The following TIMELESS variants were observed in gnomAD, a reference collection of about 807,000 sequenced individuals.
TIMELESS encodes timeless circadian regulator, also known as protein timeless homolog.
TIMELESS carries 124 observed loss-of-function variants against 164.3 expected under a neutral mutation model. That is an observed-to-expected ratio of 0.75 (90% CI 0.65 to 0.88). The LOEUF (loss-of-function observed/expected upper bound fraction) is 0.88. Ranked by LOEUF, TIMELESS falls within the 40% of genes least tolerant of loss-of-function variation. The probability of loss-of-function intolerance (pLI) is 0.00; values close to 1 mark genes in which losing one functional copy is unlikely to be tolerated. For synonymous variants in TIMELESS, 564 were observed against 563.4 expected (o/e 1.00, Z -0.02); for missense variants, 1,422 against 1,491.4 (o/e 0.95, Z 0.77).
chr12:56,434,071 C>A lies in TIMELESS; in HGVS notation c.97+3G>T. 6.2e-7 allele frequency: 1 copy of A among 1,613,872 alleles called. No individual in the cohort carries two copies. Among genetic ancestry groups the A allele is most frequent in the Non-Finnish European group, 8.5e-7 (1 of 1,179,760 alleles). On this transcript the variant is annotated splice_donor_region_variant and intron_variant, in intron 2 of 28. Coordinates refer to ENST00000553532, the MANE Select transcript of TIMELESS (RefSeq NM_003920.5). ...TTTCCTGTTTCATCAAAAAGGTACT[C>A]ACCTAAGCAATCTGGTTCCTTATGG...
At chr12:56,423,981 A>C (rs1592245939) in intron 15 of TIMELESS, 87 bp from the exon 16 acceptor site, 1 of 1,217,088 alleles carries the variant, frequency 8.2e-7, no homozygotes, top group East Asian at 2.4e-5. Context: ...ATTTAGACTT[A>C]TTTCTTTTGT....
chr12:56,416,717 T>C lies in TIMELESS; in HGVS notation c.*999A>G, dbSNP rs187062230. On this transcript the variant is annotated 3_prime_UTR_variant, in exon 29 of 29. Coordinates refer to ENST00000553532, the MANE Select transcript of TIMELESS (RefSeq NM_003920.5). ...AAAGCGGAAGAAAAGGGAAGGTTGT[T>C]GGTCTTTTTTTTTTTTCTTTTTTTT... 1 of 151,726 alleles carries C rather than the reference T, an allele frequency of 6.6e-6. No homozygotes were observed. Among genetic ancestry groups the C allele is most frequent in the East Asian group, 1.9e-4 (1 of 5,142 alleles). 9.4% of individuals were successfully genotyped at this position (151,726 alleles called of 1,614,324 possible). A position where few individuals can be genotyped will look rare whatever the true frequency, so the allele number is the denominator to read the frequency against.
chr12:56,419,055 C>T (rs943489013), intron 26 of TIMELESS, among the ~76,000 whole-genome samples: 5 of 149,078 alleles, frequency 3.4e-5, no homozygotes, highest in Non-Finnish European at 7.4e-5. Flanking sequence ...GCTAGAGTGC[C>T]GTGGCAAAGC....
chr12:56,420,697 G>A lies in TIMELESS; in HGVS notation c.3110-10C>T, dbSNP rs1172611694. 4.3e-6 allele frequency: 7 copies of A among 1,613,890 alleles called. No homozygotes were observed. The Admixed American group carries it at 1.0e-4, about 23-fold the overall frequency. Reference sequence around the variant, plus strand: ...ACGGCCTGGGAGCAGCCTAAGACAGGGTCAATAGTCATATGGTGAAGATAT... The same window carrying A: ...ACGGCCTGGGAGCAGCCTAAGACAGAGTCAATAGTCATATGGTGAAGATAT... On this transcript the variant is annotated splice_polypyrimidine_tract_variant and intron_variant, in intron 25 of 28. Coordinates refer to ENST00000553532, the MANE Select transcript of TIMELESS (RefSeq NM_003920.5).
rs545283747 is a variant in TIMELESS at position 56,444,096 on chromosome 12, C to T, written c.-62+5214G>A. Among the ~76,000 whole-genome samples the T allele has an allele frequency of 3.3e-5, 5 of 152,240 alleles. No homozygotes were observed. The East Asian group carries it at 9.6e-4, about 29-fold the overall frequency. ...TATTTTTAGTAGAGACATGGTTTCA[C>T]CATGTTGGCCAGGCTGGTCTGGAAC... On this transcript the variant is annotated intron_variant, in intron 1 of 28. Transcript: ENST00000553532.
chr12:56,436,003 A>AAGTATACAG (rs1255314242), intron 1 of TIMELESS, among the ~76,000 whole-genome samples: 1 of 151,886 alleles, frequency 6.6e-6, no homozygotes, highest in Admixed American at 6.6e-5. Flanking sequence ...CACTCCGAAA[A>AAGTATACAG]AGTATACAGT....
At chr12:56,426,364 A>G (rs1186313502) in intron 13 of TIMELESS, among the ~76,000 whole-genome samples, 1 of 150,846 alleles carries the variant, frequency 6.6e-6, no homozygotes, top group Non-Finnish European at 1.5e-5. Context: ...CTAGAGTTAT[A>G]GGAAGGTTCT....
rs531252573 is a variant in TIMELESS at position 56,429,837 on chromosome 12, C to T, written c.1086+268G>A. ...GGACACCGCTATAATACTCTAGGAT[C>T]CACAATTTCCAACTCTCTCCTGTTC... On this transcript the variant is annotated intron_variant, in intron 10 of 28. Coordinates refer to ENST00000553532, the MANE Select transcript of TIMELESS (RefSeq NM_003920.5). Among the ~76,000 whole-genome samples, 20 of 151,954 alleles carry T rather than the reference C, an allele frequency of 1.3e-4. No individual in the cohort carries two copies. The East Asian group carries it at 3.9e-3, about 29-fold the overall frequency.
intron 1 of TIMELESS, among the ~76,000 whole-genome samples, chr12:56,443,705 T>C (rs564689238): frequency 6.6e-6 from 1 of 152,332 alleles, no homozygotes; most frequent in East Asian, 1.9e-4. Context: ...CAATACGTGA[T>C]GGCACCCACA....
chr12:56,425,790 G>A (rs933944909), intron 13 of TIMELESS, among the ~76,000 whole-genome samples: 12 of 152,060 alleles, frequency 7.9e-5, no homozygotes, highest in Admixed American at 2.6e-4. Context: ...CAGAAGAATC[G>A]CTTGGGCACG....
intron 10 of TIMELESS, 67 bp from the exon 11 acceptor site, chr12:56,429,167 C>CAT (rs1468279110): frequency 6.3e-6 from 9 of 1,418,264 alleles, no homozygotes; most frequent in Non-Finnish European, 8.6e-6. Context: ...TCCTTCCTGT[C>CAT]CTATGATGAT....
rs762407390 is a variant in TIMELESS, at chr12:56,424,820, G to A, written c.1810C>T (p.Gln604Ter). ...EQRAEAMVRI[Q>*]DCLLAGQAPQ... ...GCCTGGCCAGCCAGGAGACAGTCTT[G>A]GATCCGTACCATAGCTTCTGCCCGC... The change falls in exon 15 of 29, where the codon CAA becomes TAA. Residue 604 changes from glutamine to a stop codon, truncating the protein, a stop_gained. Coordinates refer to ENST00000553532, the MANE Select transcript of TIMELESS (RefSeq NM_003920.5). LOFTEE classifies it high-confidence loss of function. The A allele has an allele frequency of 6.2e-7, 1 of 1,614,192 alleles. No individual in the cohort carries two copies. Among genetic ancestry groups the A allele is most frequent in the South Asian group, 1.1e-5 (1 of 91,088 alleles).
At chr12:56,446,050 G>A (rs562716998) in intron 1 of TIMELESS, among the ~76,000 whole-genome samples, 3 of 152,068 alleles carry the variant, frequency 2.0e-5, no homozygotes, top group Middle Eastern at 6.3e-3. Context: ...GGACTATAGG[G>A]TACATCACCA....
chr12:56,434,194 G>A lies in TIMELESS; in HGVS notation c.-24C>T, dbSNP rs991985225. ...ATACATCAGTGGACCAACCAACAGAGAAGGAAGTGGAGAAACAGGAGACAG... is the reference window on the plus strand; with the variant it reads ...ATACATCAGTGGACCAACCAACAGAAAAGGAAGTGGAGAAACAGGAGACAG... On this transcript the variant is annotated 5_prime_UTR_variant, in exon 2 of 29. Coordinates refer to ENST00000553532, the MANE Select transcript of TIMELESS (RefSeq NM_003920.5). 6.4e-7 allele frequency: 1 copy of A among 1,564,790 alleles called. No individual in the cohort carries two copies. The highest frequency in any genetic ancestry group is 1.4e-5 in the African/African-American group (1 of 73,916).
Position 56,434,180 on chromosome 12 carries a change from GACCA to G in TIMELESS, c.-14_-11del, listed in dbSNP as rs766568919. 2.6e-5 allele frequency: 41 copies of G among 1,605,214 alleles called. No homozygotes were observed. The highest frequency in any genetic ancestry group is 3.2e-5 in the Non-Finnish European group (38 of 1,172,002). On this transcript the variant is annotated 5_prime_UTR_variant, in exon 2 of 29. Coordinates refer to ENST00000553532, the MANE Select transcript of TIMELESS (RefSeq NM_003920.5). Reference sequence around the variant, plus strand: ...TCATGTGCAAGTCCATACATCAGTGGACCAACCAACAGAGAAGGAAGTGGAGAAA... The same window carrying G: ...TCATGTGCAAGTCCATACATCAGTGGACCAACAGAGAAGGAAGTGGAGAAA...
chr12:56,432,520 ATCT>A lies in TIMELESS; in HGVS notation c.533_535del (p.Lys178del). The A allele has an allele frequency of 6.2e-7, 1 of 1,613,716 alleles. No individual in the cohort carries two copies. The highest frequency in any genetic ancestry group is 8.5e-7 in the Non-Finnish European group (1 of 1,179,888). On this transcript the variant is annotated inframe_deletion and splice_region_variant, in exon 7 of 29. Coordinates refer to ENST00000553532, the MANE Select transcript of TIMELESS (RefSeq NM_003920.5). ...GTCATGGGCACTGGCGTCATCATCA[ATCT>A]TCTGAGCAGTGAGTGGTGAGGGTAG... is the stretch of plus-strand genomic sequence containing the variant.
At position 56,425,074 on chromosome 12, in the gene TIMELESS, G is replaced by A. The variant is rs1167164843; in HGVS notation, c.1657C>T (p.Pro553Ser). The change falls in exon 14 of 29, where the codon CCA becomes TCA. Residue 553 changes from proline to serine, a missense_variant. Physicochemically the swap from Pro to Ser is moderately conservative, Grantham distance 74 (BLOSUM62 -1). Coordinates refer to ENST00000553532, the MANE Select transcript of TIMELESS (RefSeq NM_003920.5). ...GGCCACACAGCCTCCACTTCTTCTG[G>A]GCTAGATGGGACATTACCAGAAACA... ...AIVSGNVPSS[P>S]EEVEAVWPAL... 2.5e-6 allele frequency: 4 copies of A among 1,614,124 alleles called. No homozygotes were observed. The highest frequency in any genetic ancestry group is 4.5e-5 in the East Asian group (2 of 44,890).
Position 56,430,988 on chromosome 12 carries a change from C to A in TIMELESS, c.822-20G>T. 1 of 1,524,278 alleles carries A rather than the reference C, an allele frequency of 6.6e-7. No individual in the cohort carries two copies. The highest frequency in any genetic ancestry group is 8.9e-7 in the Non-Finnish European group (1 of 1,129,550). The allele number at this position is 1,524,278 out of a possible 1,614,324, so 94.4% of individuals were successfully genotyped here. On this transcript the variant is annotated intron_variant, in intron 8 of 28. Coordinates refer to ENST00000553532, the MANE Select transcript of TIMELESS (RefSeq NM_003920.5). ...GAATGCCTGCAGAAACAAAAAGGTC[C>A]AAGGTGATTTTTCAGTTCTCTGGAA...
chr12:56,422,827 T>G lies in TIMELESS; in HGVS notation c.2438+20A>C. 12 of 805,080 alleles carry G rather than the reference T, an allele frequency of 1.5e-5. No individual in the cohort carries two copies. The highest frequency in any genetic ancestry group is 2.4e-5 in the Non-Finnish European group (12 of 504,306). The allele number at this position is 805,080 out of a possible 1,614,324, so 49.9% of individuals were successfully genotyped here. The stretch of plus-strand genomic sequence containing the variant: ...AAACTTCCCCTACCCCCACCCACCC[T>G]TTGCCAACTTCAAGCTCACCTGTCA... On this transcript the variant is annotated intron_variant, in intron 19 of 28. Transcript: ENST00000553532.
Sources: allele counts gnomAD v4.1 joint callset (sites outside exome capture counted in the v4.1 genomes callset), GRCh38; gene constraint gnomAD v4.1.1; transcripts MANE v1.5; gene names NCBI Gene and HGNC (gene_info 2026-07-23, HGNC 2026-07-21).